Variants in ADAMTS20 observed in about 807,000 individuals in gnomAD.
ADAMTS20 encodes A disintegrin and metalloproteinase with thrombospondin motifs 20.
ADAMTS20 carries 225 observed loss-of-function variants against 260.1 expected under a neutral mutation model. The observed-to-expected ratio is 0.87, with a 90% CI of 0.78 to 0.97. The LOEUF (loss-of-function observed/expected upper bound fraction) is 0.97, where lower values mean the gene tolerates loss of function less well. Ranked by LOEUF, ADAMTS20 falls within the 50% of genes least tolerant of loss-of-function variation. The pLI, the probability that ADAMTS20 is intolerant of heterozygous loss-of-function variation, is 0.00. For synonymous variants in ADAMTS20, 802 were observed against 769.5 expected, an observed-to-expected ratio of 1.04 and a Z score of -0.70; for missense variants, 2,400 against 2,337.7, an observed-to-expected ratio of 1.03 and a Z score of -0.55.
chr12:43,468,588 GA>G lies in ADAMTS20; in HGVS notation c.1223+11del. On this transcript the variant is annotated intron_variant, in intron 8 of 38. Transcript: ENST00000389420. ...TAGAATGCACATTAAGGAGGTGACA[GA>G]AGGTACTTACGTGTGCCCAAGCTCA... 6.6e-7 allele frequency: 1 copy of G among 1,521,454 alleles called. No homozygotes were observed. Among genetic ancestry groups the G allele is most frequent in the Non-Finnish European group, 9.0e-7 (1 of 1,104,990 alleles). The allele number at this position is 1,521,454 out of a possible 1,614,324, so 94.2% of individuals were successfully genotyped here. A position where few individuals can be genotyped will look rare whatever the true frequency, so the allele number is the denominator to read the frequency against.
intron 28 of ADAMTS20, among the ~76,000 whole-genome samples, chr12:43,408,487 G>C (rs1012377049): frequency 6.6e-6 from 1 of 152,186 alleles, no homozygotes; most frequent in Non-Finnish European, 1.5e-5. Context: ...TGTGCTAGCT[G>C]TGGGAGTTAA....
At chr12:43,374,330 A>G (rs188910501) in intron 36 of ADAMTS20, among the ~76,000 whole-genome samples, 2 of 152,170 alleles carry the variant, frequency 1.3e-5, no homozygotes, top group Admixed American at 1.3e-4. Context: ...GCTTTCTATG[A>G]CTTATGCACC....
chr12:43,367,103 T>G (rs997806980), intron 37 of ADAMTS20, among the ~76,000 whole-genome samples: 7 of 151,966 alleles, frequency 4.6e-5, no homozygotes, highest in Non-Finnish European at 1.0e-4. Flanking sequence ...CAGATGGCTT[T>G]GCTGGTAAAT....
At chr12:43,529,313 A>G (rs1407563793) in intron 3 of ADAMTS20, among the ~76,000 whole-genome samples, 2 of 152,164 alleles carry the variant, frequency 1.3e-5, no homozygotes, top group South Asian at 2.1e-4. Flanking sequence ...CATCTACCCA[A>G]TGGAAAAGAA....
At chr12:43,538,738 C>T (rs1220712685) in intron 2 of ADAMTS20, among the ~76,000 whole-genome samples, 2 of 152,050 alleles carry the variant, frequency 1.3e-5, no homozygotes, top group East Asian at 1.9e-4. Flanking sequence ...GTTCTCTTTC[C>T]ACTGATATTT....
intron 37 of ADAMTS20, among the ~76,000 whole-genome samples, chr12:43,364,503 G>A (rs575827842): frequency 6.6e-6 from 1 of 152,090 alleles, no homozygotes; most frequent in African/African-American, 2.4e-5. Flanking sequence ...ATCAAATAGA[G>A]AATAACAATA....
intron 19 of ADAMTS20, chr12:43,433,888 G>C (rs1024033518): frequency 8.2e-6 from 3 of 366,288 alleles, no homozygotes; most frequent in South Asian, 2.1e-5. Context: ...GAAGTTTACT[G>C]GTTCATTAAT....
chr12:43,475,113 C>G (rs1203909955), intron 7 of ADAMTS20, among the ~76,000 whole-genome samples: 6 of 115,058 alleles, frequency 5.2e-5, no homozygotes, highest in Admixed American at 1.0e-4. Context: ...CCCAAAATCT[C>G]CTTAAGCTGA....
At chr12:43,426,792 C>G (rs1396305741) in intron 27 of ADAMTS20, among the ~76,000 whole-genome samples, 1 of 152,140 alleles carries the variant, frequency 6.6e-6, no homozygotes, top group Non-Finnish European at 1.5e-5. Context: ...TAGAAAGATA[C>G]TAGTAATTCA....
At chr12:43,429,595 T>A (rs768473353) in intron 24 of ADAMTS20, 22 bp downstream of exon 24, 36 of 1,507,226 alleles carry the variant, frequency 2.4e-5, no homozygotes, top group Non-Finnish European at 2.2e-5. Flanking sequence ...AAACACTGTA[T>A]CTATTAAAGA....
chr12:43,354,213 A>T lies in ADAMTS20; in HGVS notation c.5729T>A (p.Ile1910Lys), dbSNP rs1939695293. 12 of 1,580,122 alleles carry T rather than the reference A, an allele frequency of 7.6e-6. No homozygotes were observed. The East Asian group carries it at 2.7e-4, about 36-fold the overall frequency. Residue 1910 changes from isoleucine (I) to lysine (K), a missense_variant, in exon 39 of 39, where the codon ATA (isoleucine) becomes AAA (lysine). Ile to Lys is a moderately radical substitution (Grantham distance 102). Coordinates refer to ENST00000389420, the MANE Select transcript of ADAMTS20 (RefSeq NM_025003.5). Reference sequence around the variant, plus strand: ...ATACTTCCCCCTTCTAAATGTTCATATGACTTGAATTGGGAGACCAGTAGT... The same window carrying T: ...ATACTTCCCCCTTCTAAATGTTCATTTGACTTGAATTGGGAGACCAGTAGT... ...HMTTGLPIQV[I>K]
At chr12:43,486,503 T>C (rs1942525088) in intron 7 of ADAMTS20, among the ~76,000 whole-genome samples, 2 of 152,084 alleles carry the variant, frequency 1.3e-5, no homozygotes, top group Non-Finnish European at 2.9e-5. Context: ...AAAACTCTTC[T>C]GGACATTGGC....
intron 28 of ADAMTS20, among the ~76,000 whole-genome samples, chr12:43,424,394 A>G (rs1424486143): frequency 6.6e-6 from 1 of 152,140 alleles, no homozygotes; most frequent in Admixed American, 6.5e-5. Context: ...ATATTCCCAA[A>G]CCACTAACTC....
At chr12:43,414,363 G>A (rs556582169) in intron 28 of ADAMTS20, among the ~76,000 whole-genome samples, 3 of 152,152 alleles carry the variant, frequency 2.0e-5, no homozygotes, top group East Asian at 1.9e-4. Context: ...ATAGAAACTC[G>A]TTTACTGTTG....
intron 7 of ADAMTS20, among the ~76,000 whole-genome samples, chr12:43,477,434 G>T (rs1942376315): frequency 6.6e-6 from 1 of 152,280 alleles, no homozygotes; most frequent in Non-Finnish European, 1.5e-5. Flanking sequence ...TAGGGAGGAA[G>T]AAATTCAGTC....
chr12:43,404,416 G>A (rs753783499), intron 28 of ADAMTS20, among the ~76,000 whole-genome samples: 5 of 151,984 alleles, frequency 3.3e-5, no homozygotes, highest in East Asian at 1.9e-4. Flanking sequence ...CATTTCCAAC[G>A]TAATAGATAT....
At chr12:43,528,545 T>C (rs2137497488) in intron 3 of ADAMTS20, among the ~76,000 whole-genome samples, 1 of 151,708 alleles carries the variant, frequency 6.6e-6, no homozygotes, top group East Asian at 1.9e-4. Flanking sequence ...CAAAGCATAC[T>C]ACATAAATTG....
intron 28 of ADAMTS20, among the ~76,000 whole-genome samples, chr12:43,424,181 A>T (rs1941287190): frequency 6.6e-6 from 1 of 152,168 alleles, no homozygotes; most frequent in Non-Finnish European, 1.5e-5. Flanking sequence ...TTACAAATAG[A>T]TTATAAACTC....
chr12:43,383,498 T>G, intron 31 of ADAMTS20, 60 bp downstream of exon 31: 1 of 1,498,110 alleles, frequency 6.7e-7, no homozygotes, highest in Non-Finnish European at 9.0e-7. Context: ...CTGTGTCAAA[T>G]TGTAGATCCA....
Sources: allele counts gnomAD v4.1 joint callset (sites outside exome capture counted in the v4.1 genomes callset), GRCh38; gene constraint gnomAD v4.1.1; transcripts MANE v1.5; gene names NCBI Gene and HGNC (gene_info 2026-07-23, HGNC 2026-07-21).